The following TMEM59 variants were observed in gnomAD, a reference collection of about 807,000 sequenced individuals.
The protein encoded by TMEM59 is transmembrane protein 59.
Under a neutral mutation model 42.2 loss-of-function variants are expected in TMEM59, and 44 were observed. The ratio of observed to expected loss-of-function variants is 1.04; its 90% confidence interval spans 0.82 to 1.34. TMEM59 has a LOEUF of 1.34. Among genes scored for constraint, TMEM59 ranks in the 40% most tolerant of loss-of-function variants. The pLI, the probability that TMEM59 is intolerant of heterozygous loss-of-function variation, is 0.00. For synonymous variants in TMEM59, 148 were observed against 145.8 expected (o/e 1.02, Z -0.11); for missense variants, 359 against 382.8 (o/e 0.94, Z 0.52).
intron 6 of TMEM59, among the ~76,000 whole-genome samples, chr1:54,040,313 C>T (rs569317240): frequency 2.2e-4 from 34 of 152,160 alleles, no homozygotes; most frequent in Non-Finnish European, 4.3e-4. Flanking sequence ...CCACCACGCC[C>T]GGCTAATTTT....
intron 7 of TMEM59, chr1:54,033,524 C>A (rs1656837373): frequency 6.6e-6 from 1 of 150,578 alleles, no homozygotes; most frequent in Non-Finnish European, 1.5e-5. Context: ...ATCACTTGAG[C>A]CCGGGAGGCA....
At position 54,043,371 on chromosome 1, in the gene TMEM59, A is replaced by T; in HGVS notation, c.543+2T>A. The T allele has an allele frequency of 9.8e-6, 15 of 1,536,100 alleles. No individual in the cohort carries two copies. Among genetic ancestry groups the T allele is most frequent in the Non-Finnish European group, 1.3e-5 (15 of 1,144,320 alleles). On this transcript the variant is annotated splice_donor_variant, in intron 4 of 7. Coordinates refer to ENST00000234831, the MANE Select transcript of TMEM59 (RefSeq NM_004872.5). LOFTEE classifies it high-confidence loss of function. ...GATGAATCCATGAAGCTCAGTTGTC[A>T]CCTGGAATATAACTATTTTTCCGTC...
At chr1:54,042,687 A>G (rs116298265) in intron 4 of TMEM59, among the ~76,000 whole-genome samples, 50 of 152,322 alleles carry the variant, frequency 3.3e-4, no homozygotes, top group Admixed American at 1.9e-3. Flanking sequence ...ACTGAATTAA[A>G]AGCATGGTAG....
At position 54,047,323 on chromosome 1, in the gene TMEM59, C is replaced by T. The variant is rs775408406; in HGVS notation, c.239G>A (p.Cys80Tyr). The T allele has an allele frequency of 2.5e-6, 4 of 1,613,922 alleles. No homozygotes were observed. The change falls in exon 2 of 8, where the codon TGT becomes TAT. Residue 80 changes from cysteine (C) to tyrosine (Y), a missense_variant. Coordinates refer to ENST00000234831, the MANE Select transcript of TMEM59 (RefSeq NM_004872.5). Reference sequence around the variant, plus strand: ...GTCAATTCCATCATCCACAAACTGACAAATTGAAAACAGCCTGCAACCTCT... The same window carrying T: ...GTCAATTCCATCATCCACAAACTGATAAATTGAAAACAGCCTGCAACCTCT... ...CQRGCRLFSI[C>Y]QFVDDGIDLN...
intron 7 of TMEM59, among the ~76,000 whole-genome samples, chr1:54,032,604 T>C (rs1291737326): frequency 6.6e-6 from 1 of 152,248 alleles, no homozygotes. Flanking sequence ...TTAGCTCTCC[T>C]ACCAAGTGGT....
In TMEM59 at chr1:54,044,508, GT is replaced by G. The variant is rs1194633123; in HGVS notation, c.391-984del. 74 of 120,026 alleles carry G rather than the reference GT, an allele frequency of 6.2e-4. 1 individual carries two copies. Among genetic ancestry groups the G allele is most frequent in the Admixed American group, 7.7e-4 (9 of 11,742 alleles). The allele number at this position is 120,026 out of a possible 1,614,324, so 7.4% of individuals were successfully genotyped here. A position where few individuals can be genotyped will look rare whatever the true frequency, so the allele number is the denominator to read the frequency against. On this transcript the variant is annotated intron_variant, in intron 3 of 7. Coordinates refer to ENST00000234831, the MANE Select transcript of TMEM59 (RefSeq NM_004872.5). The stretch of plus-strand genomic sequence containing the variant: ...TTCTGCTTTGTTTCTTTTTTCATCT[GT>G]TTTTTTTTTTTTTTTTTGAGACAGT...
intron 1 of TMEM59, among the ~76,000 whole-genome samples, chr1:54,049,369 G>T (rs1411666802): frequency 6.6e-6 from 1 of 152,162 alleles, no homozygotes; most frequent in Non-Finnish European, 1.5e-5. Context: ...TTACTACTAT[G>T]TAGTACTATC....
At chr1:54,046,435 T>C (rs981232351) in intron 2 of TMEM59, among the ~76,000 whole-genome samples, 25 of 152,238 alleles carry the variant, frequency 1.6e-4, no homozygotes, top group African/African-American at 5.8e-4. Flanking sequence ...CTCATTTAGT[T>C]CATTAAATCC....
intron 1 of TMEM59, chr1:54,047,753 C>G (rs1037403612): frequency 2.0e-5 from 5 of 247,810 alleles, no homozygotes; most frequent in African/African-American, 9.5e-5. Context: ...TTGAGGCCAA[C>G]AGTTTGAGGC....
Position 54,045,779 on chromosome 1 carries a change from T to C in TMEM59, c.303A>G (p.Thr101=), listed in dbSNP as rs1457602289. The C allele has an allele frequency of 6.2e-7, 1 of 1,610,716 alleles. No homozygotes were observed. Among genetic ancestry groups the C allele is most frequent in the Non-Finnish European group, 8.5e-7 (1 of 1,177,888 alleles). ...GCTCATCAGATTGGGAATATGCTTC[T>C]GTACATGCTGTAAGAGAAAAATAGT... ...RTKLECESAC[T]EAYSQSDEQY... Residue 101 remains threonine, a synonymous_variant, in exon 3 of 8, where the codon ACA becomes ACG. Transcript: ENST00000234831.
intron 6 of TMEM59, 136 bp downstream of exon 6, chr1:54,040,620 A>G: frequency 1.5e-6 from 1 of 651,112 alleles, no homozygotes. Context: ...TAAAATATCT[A>G]ATGTACAACT....
At chr1:54,039,282 G>T (rs12092510) in intron 6 of TMEM59, among the ~76,000 whole-genome samples, 19,644 of 152,060 alleles carry the variant, frequency 0.13, 2,924 homozygotes, top group African/African-American at 0.37. Context: ...AGTGTTAGAT[G>T]TAAAAAAACA....
chr1:54,043,332 G>A (rs1435083153), intron 4 of TMEM59, 41 bp downstream of exon 4: 5 of 1,449,818 alleles, frequency 3.4e-6, no homozygotes, highest in African/African-American at 1.4e-5. Context: ...TACATTTACT[G>A]TTGTTAGTAT....
upstream of TMEM59, chr1:54,053,498 G>C (rs1050888459): frequency 2.9e-6 from 1 of 348,606 alleles, no homozygotes; most frequent in Admixed American, 4.6e-5. Context: ...GGCGGGAGGC[G>C]CACGGTGCTG....
chr1:54,033,236 A>T (rs1450153152), intron 7 of TMEM59: 1 of 150,900 alleles, frequency 6.6e-6, no homozygotes, highest in East Asian at 2.0e-4. Flanking sequence ...GTTGGGATAC[A>T]TGTGTGAGCC....
At chr1:54,047,957 G>A (rs1465130707) in intron 1 of TMEM59, 1 of 152,592 alleles carries the variant, frequency 6.6e-6, no homozygotes, top group East Asian at 1.9e-4. Context: ...TACAAAGTGA[G>A]ACCCTGTTGC....
Position 54,040,833 on chromosome 1 carries a change from C to G in TMEM59, c.630G>C (p.Leu210=), listed in dbSNP as rs1569948890. Residue 210 remains leucine (L), a synonymous_variant, in exon 6 of 8, where the codon CTG becomes CTC. Coordinates refer to ENST00000234831, the MANE Select transcript of TMEM59 (RefSeq NM_004872.5). ...RESSLSKMSY[L]QMRNSQAHRN... ...TGTGCGCTTGTGAATTTCTCATTTG[C>G]AGATCTGCTGAAATAGTAAGTATGA... 1 of 1,613,282 alleles carries G rather than the reference C, an allele frequency of 6.2e-7. No homozygotes were observed. The highest frequency in any genetic ancestry group is 8.5e-7 in the Non-Finnish European group (1 of 1,179,488).
At chr1:54,034,975 A>C (rs1218868375) in intron 7 of TMEM59, 1 of 152,236 alleles carries the variant, frequency 6.6e-6, no homozygotes, top group Non-Finnish European at 1.5e-5. Context: ...TTATACATCA[A>C]CATGAAAGAA....
rs551729975 is a variant in TMEM59, at chr1:54,031,430, A to G, written c.*720T>C. The G allele has an allele frequency of 2.0e-5, 3 of 152,274 alleles. No homozygotes were observed. Among genetic ancestry groups the G allele is most frequent in the Non-Finnish European group, 4.4e-5 (3 of 68,036 alleles). 9.4% of individuals were successfully genotyped at this position (152,274 alleles called of 1,614,324 possible). A position where few individuals can be genotyped will look rare whatever the true frequency, so the allele number is the denominator to read the frequency against. On this transcript the variant is annotated 3_prime_UTR_variant, in exon 8 of 8. Coordinates refer to ENST00000234831, the MANE Select transcript of TMEM59 (RefSeq NM_004872.5). Reference sequence around the variant, plus strand: ...TTCTCTGAAAATATGTTTACCTTATACTTGATATGCTATCTAACAGAGAAA... The same window carrying G: ...TTCTCTGAAAATATGTTTACCTTATGCTTGATATGCTATCTAACAGAGAAA...
Sources: gnomAD v4.1 joint callset for allele counts (sites outside exome capture counted in the v4.1 genomes callset) on GRCh38, gnomAD v4.1.1 for gene constraint, MANE v1.5 for transcripts, NCBI Gene and HGNC (gene_info 2026-07-23, HGNC 2026-07-21) for gene names.